ZFHX3: variants seen among roughly 807,000 people sequenced by gnomAD.
ZFHX3 encodes the protein zinc finger homeobox protein 3.
Under a neutral mutation model 279.1 loss-of-function variants are expected in ZFHX3, and 42 were observed. The observed-to-expected ratio is 0.15, with a 90% CI of 0.12 to 0.19. The LOEUF (loss-of-function observed/expected upper bound fraction) is 0.19, where lower values mean the gene tolerates loss of function less well. Among genes scored for constraint, ZFHX3 ranks in the 10% least tolerant of loss-of-function variants. The pLI is 1.00. For missense variants in ZFHX3, 4,981 were observed against 4,754.0 expected (o/e 1.05, Z -1.40); for synonymous variants, 2,293 against 1,957.8 (o/e 1.17, Z -4.52).
At chr16:73,882,942 T>C (rs555932361) in intron 1 of ZFHX3, among the ~76,000 whole-genome samples, 1 of 152,226 alleles carries the variant, frequency 6.6e-6, no homozygotes, top group African/African-American at 2.4e-5. Context: ...TACTTGTCCC[T>C]GCTGTCTACC....
intron 1 of ZFHX3, among the ~76,000 whole-genome samples, chr16:73,044,916 T>A (rs1446254777): frequency 2.0e-5 from 3 of 152,186 alleles, no homozygotes. Flanking sequence ...CCACCATGCC[T>A]GGCCAAAAGG....
At chr16:73,448,743 T>G (rs935754249) in intron 3 of ZFHX3, among the ~76,000 whole-genome samples, 5 of 149,398 alleles carry the variant, frequency 3.3e-5, no homozygotes, top group African/African-American at 4.9e-5. Flanking sequence ...TTAAGGCACA[T>G]TCATTTTTTC....
rs867435357 is a variant in ZFHX3, at chr16:73,105,356, C to T, written c.-896-11758G>A. 9.0e-4 allele frequency among the ~76,000 whole-genome samples: 108 copies of T among 120,066 alleles called. 8 individuals carry two copies. The highest frequency in any genetic ancestry group is 4.7e-3 in the Middle Eastern group (1 of 214). 78.8% of individuals were successfully genotyped at this position (120,066 alleles called of 152,430 possible). On this transcript the variant is annotated intron_variant, in intron 7 of 17. Transcript: ENST00000641206. ...ACACACGTGTGTATATATATATACACATATATATACACACATATATATATA... is the reference window on the plus strand; with the variant it reads ...ACACACGTGTGTATATATATATACATATATATATACACACATATATATATA...
chr16:73,235,231 G>A (rs960101721), intron 5 of ZFHX3, among the ~76,000 whole-genome samples: 2 of 151,978 alleles, frequency 1.3e-5, no homozygotes, highest in Non-Finnish European at 2.9e-5. Flanking sequence ...CACCACGCCT[G>A]GCAAATCTTT....
At chr16:73,688,095 G>T (rs537266619) in intron 1 of ZFHX3, among the ~76,000 whole-genome samples, 2 of 151,504 alleles carry the variant, frequency 1.3e-5, no homozygotes, top group Non-Finnish European at 2.9e-5. Flanking sequence ...AGTGGCTCAT[G>T]CCTGTAATCC....
chr16:73,781,075 T>C (rs984517633), intron 1 of ZFHX3, among the ~76,000 whole-genome samples: 1 of 152,182 alleles, frequency 6.6e-6, no homozygotes, highest in Non-Finnish European at 1.5e-5. Flanking sequence ...GACCATTTGC[T>C]TGGGAAGATG....
At position 72,795,168 on chromosome 16, in the gene ZFHX3, G is replaced by T; in HGVS notation, c.7514C>A (p.Ser2505Tyr). The part of the protein sequence containing the change: ...PQSSPSPSQL[S>Y]HLPLKPLHTS... Reference sequence around the variant, plus strand: ...GTGGAGGGGCTTGAGGGGCAGGTGGGAGAGCTGGGAAGGACTGGGGCTCGA... The same window carrying T: ...GTGGAGGGGCTTGAGGGGCAGGTGGTAGAGCTGGGAAGGACTGGGGCTCGA... Residue 2505 changes from serine to tyrosine, a missense_variant, in exon 9 of 10, where the codon TCC becomes TAC. By Grantham distance (144) the Ser-to-Tyr change is moderately radical. Around this residue, in one of 7 missense-constraint regions of ZFHX3, gnomAD observed 744 missense variants for 701.3 expected, o/e 1.06. Transcript: ENST00000268489. 6.2e-7 allele frequency: 1 copy of T among 1,610,906 alleles called. No individual in the cohort carries two copies. Among genetic ancestry groups the T allele is most frequent in the Non-Finnish European group, 8.5e-7 (1 of 1,178,186 alleles).
chr16:73,124,739 C>G (rs1378087902), intron 7 of ZFHX3, among the ~76,000 whole-genome samples: 1 of 152,116 alleles, frequency 6.6e-6, no homozygotes, highest in Non-Finnish European at 1.5e-5. Flanking sequence ...GTGTAGCGCA[C>G]TGGGGTTGTG....
chr16:73,332,213 A>C (rs1189843687), intron 3 of ZFHX3, among the ~76,000 whole-genome samples: 1 of 152,230 alleles, frequency 6.6e-6, no homozygotes, highest in African/African-American at 2.4e-5. Flanking sequence ...TTTGGGGAAA[A>C]CTGGAGCTAT....
At chr16:73,556,682 G>T (rs1439399196) in intron 2 of ZFHX3, among the ~76,000 whole-genome samples, 1 of 151,930 alleles carries the variant, frequency 6.6e-6, no homozygotes, top group Non-Finnish European at 1.5e-5. Flanking sequence ...AGTCCTAGGG[G>T]GTGACCTAGC....
rs772079187 is a variant in ZFHX3, at chr16:72,960,018, G to A, written c.128C>T (p.Thr43Ile). Residue 43 changes from threonine to isoleucine, a missense_variant, in exon 2 of 10, where the codon ACA becomes ATA. Physicochemically the swap from Thr to Ile is moderately conservative, Grantham distance 89 (BLOSUM62 -1). Around this residue, in one of 7 missense-constraint regions of ZFHX3, gnomAD observed 1,068 missense variants for 935.2 expected, o/e 1.14. Coordinates refer to ENST00000268489, the MANE Select transcript of ZFHX3 (RefSeq NM_006885.4). ...GTCCAAGGGCCCGTGGCTCTCGCCT[G>A]TGGACTGCTCCATGCTACTGGGTTT... is the stretch of plus-strand genomic sequence containing the variant. ...PDKPSSMEQSTGESHGPLDSL... is the reference protein window; with the variant it reads ...PDKPSSMEQSIGESHGPLDSL... 6.2e-6 allele frequency: 10 copies of A among 1,613,914 alleles called. No individual in the cohort carries two copies. In the East Asian group the frequency reaches 2.0e-4, roughly 32 times the overall value.
At chr16:73,014,749 T>A (rs1189861564) in intron 1 of ZFHX3, among the ~76,000 whole-genome samples, 1 of 151,838 alleles carries the variant, frequency 6.6e-6, no homozygotes, top group Non-Finnish European at 1.5e-5. Context: ...CCTGACCTCA[T>A]GATCCACCTG....
intron 3 of ZFHX3, among the ~76,000 whole-genome samples, chr16:72,906,798 C>T (rs957054327): frequency 6.6e-6 from 1 of 151,978 alleles, no homozygotes; most frequent in Non-Finnish European, 1.5e-5. Context: ...ACTCTGTCCA[C>T]CCCCCTTCCC....
Position 72,788,483 on chromosome 16 carries a change from G to C in ZFHX3, c.9793C>G (p.Pro3265Ala), listed in dbSNP as rs750599840. Residue 3265 changes from proline (P) to alanine (A), a missense_variant, in exon 10 of 10, where the codon CCC (proline) becomes GCC (alanine). Around this residue, in one of 7 missense-constraint regions of ZFHX3, gnomAD observed 1,034 missense variants for 786.0 expected, o/e 1.32. Transcript: ENST00000268489. ...GAGATCGTGGCTGCAGTTGCCGTGGGGGCCTCTCCTTTCTCCTTCTTGGGG... is the reference window on the plus strand; with the variant it reads ...GAGATCGTGGCTGCAGTTGCCGTGGCGGCCTCTCCTTTCTCCTTCTTGGGG... ...PVPKKEKGEA[P>A]TATAATISAP... The C allele has an allele frequency of 1.2e-6, 2 of 1,614,070 alleles. No individual in the cohort carries two copies. Among genetic ancestry groups the C allele is most frequent in the East Asian group, 2.2e-5 (1 of 44,874 alleles).
Position 72,788,546 on chromosome 16 carries a change from C to G in ZFHX3, c.9730G>C (p.Glu3244Gln). ...DKDSEKVKEK[E>Q]KAHKGKGEPL... ...TCCCCTTTCCCTTTGTGTGCCTTTT[C>G]CTTCTCCTTTACTTTCTCACTGTCT... Residue 3244 changes from glutamate (E) to glutamine (Q), a missense_variant, in exon 10 of 10, where the codon GAA becomes CAA. Coordinates refer to ENST00000268489, the MANE Select transcript of ZFHX3 (RefSeq NM_006885.4). The G allele has an allele frequency of 6.2e-7, 1 of 1,614,140 alleles. No individual in the cohort carries two copies. The highest frequency in any genetic ancestry group is 8.5e-7 in the Non-Finnish European group (1 of 1,180,034).
chr16:73,295,123 G>A (rs1427590743), intron 4 of ZFHX3, among the ~76,000 whole-genome samples: 2 of 152,106 alleles, frequency 1.3e-5, no homozygotes, highest in African/African-American at 4.8e-5. Context: ...GCTGAGGCAG[G>A]AGAATGGCGT....
intron 3 of ZFHX3, among the ~76,000 whole-genome samples, chr16:73,363,530 C>T (rs754366247): frequency 3.9e-5 from 6 of 152,022 alleles, no homozygotes; most frequent in Non-Finnish European, 5.9e-5. Flanking sequence ...GTGAAATAGA[C>T]TTCTCTTGCT....
chr16:73,658,770 A>G (rs1200683180), intron 2 of ZFHX3, among the ~76,000 whole-genome samples: 2 of 152,356 alleles, frequency 1.3e-5, no homozygotes, highest in African/African-American at 4.8e-5. Context: ...GCACAAAACT[A>G]TTAACTAAGA....
chr16:73,354,853 T>G (rs1337486151), intron 3 of ZFHX3, among the ~76,000 whole-genome samples: 1 of 152,218 alleles, frequency 6.6e-6, no homozygotes, highest in Admixed American at 6.5e-5. Flanking sequence ...TCTTGCCTGG[T>G]GAATCGGTCT....
Sources: gnomAD v4.1 joint callset for allele counts (sites outside exome capture counted in the v4.1 genomes callset) on GRCh38, gnomAD v4.1.1 for gene constraint, gnomAD v4.1.1 regional missense constraint, MANE v1.5 for transcripts, NCBI Gene and HGNC (gene_info 2026-07-23, HGNC 2026-07-21) for gene names.